Variants in TRPM6 observed in about 807,000 individuals in gnomAD.
TRPM6 encodes transient receptor potential cation channel subfamily M member 6.
In TRPM6, 111 loss-of-function variants were observed where a neutral mutation model predicts 247.6. The observed-to-expected ratio is 0.45, with a 90% CI of 0.38 to 0.52. TRPM6 has a LOEUF of 0.52. Among genes scored for constraint, TRPM6 ranks in the 20% least tolerant of loss-of-function variants. The pLI is 0.00. For missense variants in TRPM6, 2,126 were observed against 2,421.5 expected (o/e 0.88, Z 2.56); for synonymous variants, 892 against 853.8 (o/e 1.04, Z -0.78).
rs775883873 is a variant in TRPM6, at chr9:74,782,856, G to A, written c.2920-3C>T. 36 of 1,613,820 alleles carry A rather than the reference G, an allele frequency of 2.2e-5. No individual in the cohort carries two copies. In the Admixed American group the frequency reaches 2.8e-4, roughly 13 times the overall value. ...ACAATATAGAACATGTTTGCTGTCT[G>A]CAAAAGAGCATAGTACAACCAGAAT... On this transcript the variant is annotated splice_polypyrimidine_tract_variant and splice_region_variant and intron_variant, in intron 21 of 38. Transcript: ENST00000360774.
intron 1 of TRPM6, among the ~76,000 whole-genome samples, chr9:74,884,413 C>A (rs575807861): frequency 6.6e-6 from 1 of 151,702 alleles, no homozygotes; most frequent in Non-Finnish European, 1.5e-5. Context: ...GGTGTGAACC[C>A]AGCAGGCGGA....
At chr9:74,865,169 A>G (rs1473450818) in intron 1 of TRPM6, among the ~76,000 whole-genome samples, 1 of 152,192 alleles carries the variant, frequency 6.6e-6, no homozygotes, top group Non-Finnish European at 1.5e-5. Context: ...CCTGGAGCCA[A>G]ATAGGGGATT....
intron 7 of TRPM6, among the ~76,000 whole-genome samples, chr9:74,824,300 G>A (rs767791958): frequency 4.6e-5 from 7 of 151,310 alleles, no homozygotes; most frequent in Non-Finnish European, 7.4e-5. Flanking sequence ...ACAGGTGCGC[G>A]CCATCATGCC....
rs755017039 is a variant in TRPM6 at position 74,858,652 on chromosome 9, G to A, written c.113+17C>T. On this transcript the variant is annotated intron_variant, in intron 2 of 38. Coordinates refer to ENST00000360774, the MANE Select transcript of TRPM6 (RefSeq NM_017662.5). ...GTAGTGTTGCTTTTAAAAGAAGAAG[G>A]TAATTGAAAATTTTACCTGTGAGGA... 8.2e-6 allele frequency: 13 copies of A among 1,576,062 alleles called. No homozygotes were observed. Among genetic ancestry groups the A allele is most frequent in the Non-Finnish European group, 1.1e-5 (13 of 1,147,062 alleles).
intron 1 of TRPM6, among the ~76,000 whole-genome samples, chr9:74,878,449 A>T (rs1831258130): frequency 6.6e-6 from 1 of 152,200 alleles, no homozygotes; most frequent in Admixed American, 6.5e-5. Context: ...CATCCCCAGC[A>T]AAACCTCACC....
At chr9:74,887,472 C>T in intron 1 of TRPM6, 1 of 989,920 alleles carries the variant, frequency 1.0e-6, no homozygotes, top group Non-Finnish European at 1.4e-6. Context: ...CGGCCCGGAG[C>T]GGAATCAGAG....
chr9:74,749,298 A>G lies in TRPM6; in HGVS notation c.5057+1366T>C, dbSNP rs181266013. On this transcript the variant is annotated intron_variant, in intron 30 of 38. Transcript: ENST00000360774. ...TCTAATCCCTATAGTATCAATAAAG[A>G]AGTAACTTTTCAGCGCTGCAAGTGT... 3.6e-4 allele frequency among the ~76,000 whole-genome samples: 55 copies of G among 152,340 alleles called. No homozygotes were observed. The East Asian group carries it at 8.9e-3, about 25-fold the overall frequency.
chr9:74,777,581 G>A (rs1397509623), intron 23 of TRPM6, among the ~76,000 whole-genome samples: 1 of 152,084 alleles, frequency 6.6e-6, no homozygotes, highest in African/African-American at 2.4e-5. Context: ...TCAAATCAAT[G>A]TTTCTACCAC....
At chr9:74,779,122 C>T (rs941653890) in intron 23 of TRPM6, among the ~76,000 whole-genome samples, 3 of 152,130 alleles carry the variant, frequency 2.0e-5, no homozygotes, top group African/African-American at 7.2e-5. Context: ...ACCAAAAATA[C>T]AAAATTTAGC....
At position 74,778,856 on chromosome 9, in the gene TRPM6, G is replaced by GT. The variant is rs989076846; in HGVS notation, c.3210-2781dup. On this transcript the variant is annotated intron_variant, in intron 23 of 38. Coordinates refer to ENST00000360774, the MANE Select transcript of TRPM6 (RefSeq NM_017662.5). Reference sequence around the variant, plus strand: ...AGCAGGTGTTCACCCAACCTCGAGTGTACACCCCTAGTGACTGGGAGTGCA... The same window carrying GT: ...AGCAGGTGTTCACCCAACCTCGAGTGTTACACCCCTAGTGACTGGGAGTGCA... Among the ~76,000 whole-genome samples, 154 of 152,168 alleles carry GT rather than the reference G, an allele frequency of 1.0e-3. 1 individual carries two copies. The highest frequency in any genetic ancestry group is 1.0e-4 in the Non-Finnish European group (7 of 68,010).
intron 25 of TRPM6, among the ~76,000 whole-genome samples, chr9:74,767,029 C>G (rs980318576): frequency 6.6e-6 from 1 of 152,182 alleles, no homozygotes; most frequent in Non-Finnish European, 1.5e-5. Flanking sequence ...CTTCTGGTAC[C>G]TCTCAGCAAC....
intron 25 of TRPM6, among the ~76,000 whole-genome samples, chr9:74,766,709 A>C (rs1564004472): frequency 6.6e-6 from 1 of 151,986 alleles, no homozygotes; most frequent in Non-Finnish European, 1.5e-5. Flanking sequence ...TCAGGAGTTC[A>C]AGACCAGCAG....
At chr9:74,854,464 C>A (rs1830461435) in intron 3 of TRPM6, among the ~76,000 whole-genome samples, 1 of 152,112 alleles carries the variant, frequency 6.6e-6, no homozygotes, top group African/African-American at 2.4e-5. Flanking sequence ...GTAGCAAACA[C>A]CGCAATTACG....
intron 25 of TRPM6, among the ~76,000 whole-genome samples, chr9:74,769,970 A>C (rs1030419365): frequency 6.6e-6 from 1 of 152,218 alleles, no homozygotes; most frequent in Non-Finnish European, 1.5e-5. Flanking sequence ...CATAGCTATA[A>C]AGGGGCGCAG....
chr9:74,728,247 T>C lies in TRPM6; in HGVS notation c.5927A>G (p.Lys1976Arg), dbSNP rs778242179. The part of the protein sequence containing the change: ...HHCNSCCRKL[K>R]LPDLKRNDYS... ...AACTGTTAGTGGCATACCCGGGAGT[T>C]TGAGCTTCCGGCAGCAGGAGTTACA... The change falls in exon 38 of 39, where the codon AAA (lysine) becomes AGA (arginine). Residue 1976 changes from lysine to arginine, a missense_variant. Transcript: ENST00000360774. The C allele has an allele frequency of 1.2e-5, 19 of 1,613,620 alleles. No individual in the cohort carries two copies. The highest frequency in any genetic ancestry group is 1.4e-5 in the Non-Finnish European group (17 of 1,179,670).
chr9:74,856,852 G>A (rs893814840), intron 2 of TRPM6, among the ~76,000 whole-genome samples: 2 of 151,992 alleles, frequency 1.3e-5, no homozygotes, highest in South Asian at 2.1e-4. Flanking sequence ...TAAAAAAAAG[G>A]CTGGCTAGAA....
intron 11 of TRPM6, among the ~76,000 whole-genome samples, chr9:74,816,241 C>A (rs1009378164): frequency 6.6e-6 from 1 of 151,900 alleles, no homozygotes; most frequent in Non-Finnish European, 1.5e-5. Flanking sequence ...TGGTGGCATG[C>A]GCCTGTGGTC....
chr9:74,790,549 A>G (rs566050226), intron 19 of TRPM6, among the ~76,000 whole-genome samples: 79 of 152,296 alleles, frequency 5.2e-4, no homozygotes, highest in Admixed American at 1.1e-3. Flanking sequence ...ATTTACGTAC[A>G]TTAATGGTCT....
intron 9 of TRPM6, among the ~76,000 whole-genome samples, chr9:74,818,864 T>G (rs1377899347): frequency 6.6e-6 from 1 of 150,810 alleles, no homozygotes; most frequent in Admixed American, 6.6e-5. Context: ...TTCAGTTGGT[T>G]TTTTTTTTTG....
Sources: allele counts gnomAD v4.1 joint callset (sites outside exome capture counted in the v4.1 genomes callset), GRCh38; gene constraint gnomAD v4.1.1; transcripts MANE v1.5; gene names NCBI Gene and HGNC (gene_info 2026-07-23, HGNC 2026-07-21).